Variants in CDK14 observed in about 807,000 individuals in gnomAD.
CDK14 encodes cyclin dependent kinase 14, also known as cyclin-dependent kinase 14.
A neutral mutation model predicts 60.7 loss-of-function variants in CDK14; 34 were observed. The ratio of observed to expected loss-of-function variants is 0.56; its 90% CI spans 0.43 to 0.75. The LOEUF is 0.75. CDK14 is among the 30% of genes least tolerant of loss of function. The pLI is 0.00. For synonymous variants in CDK14, 197 were observed against 203.7 expected (o/e 0.97, Z 0.28); for missense variants, 482 against 564.1 (o/e 0.85, Z 1.47).
chr7:90,749,973 T>G (rs565431393), intron 4 of CDK14, among the ~76,000 whole-genome samples: 4 of 152,274 alleles, frequency 2.6e-5, no homozygotes, highest in African/African-American at 7.2e-5. Context: ...CCAGACACAT[T>G]GGCTGCAGTA....
At chr7:90,890,378 ATAGG>A (rs537831000) in intron 6 of CDK14, among the ~76,000 whole-genome samples, 2 of 152,060 alleles carry the variant, frequency 1.3e-5, no homozygotes, top group Non-Finnish European at 2.9e-5. Context: ...GTCTCAATAG[ATAGG>A]TAGGTAGATA....
intron 1 of CDK14, among the ~76,000 whole-genome samples, chr7:90,600,960 A>C (rs1799302749): frequency 6.6e-6 from 1 of 152,240 alleles, no homozygotes; most frequent in African/African-American, 2.4e-5. Flanking sequence ...CCCTGTCCTC[A>C]AGGATTTTAA....
rs543089773 is a variant in CDK14 at position 91,086,162 on chromosome 7, G to T, written c.1154+6682G>T. Among the ~76,000 whole-genome samples, 8 of 152,298 alleles carry T rather than the reference G, an allele frequency of 5.3e-5. No homozygotes were observed. In the South Asian group the frequency reaches 1.7e-3, roughly 32 times the overall value. On this transcript the variant is annotated intron_variant, in intron 12 of 14. Coordinates refer to ENST00000380050, the MANE Select transcript of CDK14 (RefSeq NM_001287135.2). ...GAGTCATTGCATTTTGCACTCAAGT[G>T]TCCAGAGATCTTGCTTTTTATTTTT...
intron 5 of CDK14, among the ~76,000 whole-genome samples, chr7:90,815,581 G>C (rs761746887): frequency 4.8e-4 from 24 of 50,208 alleles, no homozygotes; most frequent in Non-Finnish European, 6.4e-4. Flanking sequence ...ATACCCAAAG[G>C]ATTATAAATC....
chr7:91,099,429 T>C (rs367788552), intron 12 of CDK14, among the ~76,000 whole-genome samples: 30 of 152,198 alleles, frequency 2.0e-4, no homozygotes, highest in African/African-American at 7.2e-4. Context: ...GAAACAGTGC[T>C]TTAATCAACC....
chr7:91,176,924 A>C (rs1801783379), intron 14 of CDK14, among the ~76,000 whole-genome samples: 1 of 152,222 alleles, frequency 6.6e-6, no homozygotes, highest in Admixed American at 6.5e-5. Flanking sequence ...ATTCTAATCA[A>C]TAGAAAAGGA....
intron 11 of CDK14, among the ~76,000 whole-genome samples, chr7:91,066,270 A>G (rs1245488771): frequency 1.3e-5 from 2 of 152,204 alleles, no homozygotes; most frequent in Non-Finnish European, 2.9e-5. Flanking sequence ...TGTTTATACT[A>G]TATGATGTCA....
chr7:91,033,841 A>G (rs1424568749), intron 10 of CDK14, among the ~76,000 whole-genome samples: 3 of 152,204 alleles, frequency 2.0e-5, no homozygotes, highest in Non-Finnish European at 4.4e-5. Flanking sequence ...CTGTGTCACA[A>G]TAACATCACT....
chr7:91,011,656 G>A (rs1796162032), intron 10 of CDK14, among the ~76,000 whole-genome samples: 1 of 151,768 alleles, frequency 6.6e-6, no homozygotes, highest in Non-Finnish European at 1.5e-5. Flanking sequence ...TTCCCTACTT[G>A]TTTCAGTTTG....
chr7:90,981,417 G>A (rs945506968), intron 9 of CDK14, among the ~76,000 whole-genome samples: 9 of 152,170 alleles, frequency 5.9e-5, no homozygotes. Flanking sequence ...TACATCCTAT[G>A]ATATAAAATG....
chr7:90,649,252 C>CTTTGTTTCTTTGTTTG (rs879793176), intron 2 of CDK14, among the ~76,000 whole-genome samples: 6 of 45,442 alleles, frequency 1.3e-4, no homozygotes, highest in Admixed American at 7.9e-4. Flanking sequence ...TTCTTTCTTT[C>CTTTGTTTCTTTGTTTG]TTTCTTTCTT....
At chr7:91,098,196 G>A (rs1307642319) in intron 12 of CDK14, among the ~76,000 whole-genome samples, 1 of 152,182 alleles carries the variant, frequency 6.6e-6, no homozygotes. Flanking sequence ...AGATAAAGAA[G>A]CTGAAATTAG....
At chr7:90,747,906 T>C (rs1803659939) in intron 4 of CDK14, 131 bp downstream of exon 4, 3 of 356,420 alleles carry the variant, frequency 8.4e-6, no homozygotes, top group African/African-American at 4.4e-5. Context: ...TCCTTTTTTT[T>C]TTTTTTTTTT....
At chr7:90,663,894 A>T (rs1332280053) in intron 2 of CDK14, among the ~76,000 whole-genome samples, 1 of 152,160 alleles carries the variant, frequency 6.6e-6, no homozygotes, top group Non-Finnish European at 1.5e-5. Flanking sequence ...TTCCTTAAAA[A>T]CTTTCCAAAT....
intron 2 of CDK14, among the ~76,000 whole-genome samples, chr7:90,699,645 T>G (rs764265720): frequency 3.3e-5 from 5 of 152,234 alleles, no homozygotes; most frequent in African/African-American, 4.8e-5. Context: ...AAACCTGTTT[T>G]AAACCTTAGA....
At chr7:91,024,215 T>G (rs1230392314) in intron 10 of CDK14, among the ~76,000 whole-genome samples, 1 of 152,236 alleles carries the variant, frequency 6.6e-6, no homozygotes, top group Non-Finnish European at 1.5e-5. Context: ...TTAGTACTTT[T>G]CATGTATTAC....
At chr7:91,054,088 A>ATTTTTTTTTTT (rs10675646) in intron 11 of CDK14, among the ~76,000 whole-genome samples, 6 of 112,940 alleles carry the variant, frequency 5.3e-5, no homozygotes, top group South Asian at 2.9e-4. Context: ...CTGCAAAATA[A>ATTTTTTTTTTT]TTTTTTTTTT....
At chr7:90,904,017 C>A (rs1792610533) in intron 7 of CDK14, among the ~76,000 whole-genome samples, 5 of 152,020 alleles carry the variant, frequency 3.3e-5, no homozygotes, top group Admixed American at 3.3e-4. Context: ...TGCCAGCAAT[C>A]CTAGCCTCTT....
chr7:90,985,688 T>G (rs1318668792), intron 10 of CDK14, among the ~76,000 whole-genome samples: 1 of 152,102 alleles, frequency 6.6e-6, no homozygotes, highest in African/African-American at 2.4e-5. Flanking sequence ...AAAAGAAGAC[T>G]GGAAACTAGG....
Sources: gnomAD v4.1 joint callset for allele counts (sites outside exome capture counted in the v4.1 genomes callset) on GRCh38, gnomAD v4.1.1 for gene constraint, MANE v1.5 for transcripts, NCBI Gene and HGNC (gene_info 2026-07-23, HGNC 2026-07-21) for gene names.